Variants in KIAA1217 observed in about 807,000 individuals in gnomAD.
KIAA1217 encodes the protein sickle tail protein homolog.
A neutral mutation model predicts 163.9 loss-of-function variants in KIAA1217; 88 were observed. That is an observed-to-expected ratio of 0.54 (90% CI 0.45 to 0.64). The LOEUF is 0.64. Ranked by LOEUF, KIAA1217 falls within the 30% of genes least tolerant of loss-of-function variation. The pLI, the probability that KIAA1217 is intolerant of heterozygous loss-of-function variation, is 0.00. For missense variants in KIAA1217, 2,372 were observed against 2,475.0 expected (o/e 0.96, Z 0.88); for synonymous variants, 903 against 923.1 (o/e 0.98, Z 0.39).
At chr10:23,996,158 C>G (rs192191823) in intron 1 of KIAA1217, among the ~76,000 whole-genome samples, 2 of 152,290 alleles carry the variant, frequency 1.3e-5, no homozygotes, top group Admixed American at 6.5e-5. Context: ...CTAGAAGCAC[C>G]AAGATCATTA....
chr10:23,925,320 G>A (rs909575959), intron 1 of KIAA1217, among the ~76,000 whole-genome samples: 2 of 152,148 alleles, frequency 1.3e-5, no homozygotes, highest in Non-Finnish European at 2.9e-5. Flanking sequence ...CTAAGCCAGT[G>A]CCAGGCCCTG....
At chr10:24,529,683 G>A (rs1592696266) in intron 14 of KIAA1217, among the ~76,000 whole-genome samples, 1 of 152,070 alleles carries the variant, frequency 6.6e-6, no homozygotes, top group South Asian at 2.1e-4. Context: ...CCACCATCCA[G>A]CTGTGTCAGG....
At chr10:24,392,300 T>G (rs2055092221) in intron 3 of KIAA1217, among the ~76,000 whole-genome samples, 1 of 152,260 alleles carries the variant, frequency 6.6e-6, no homozygotes, top group Non-Finnish European at 1.5e-5. Context: ...TTAATGTTTT[T>G]GACATCTGAT....
chr10:23,727,204 G>A (rs1379009504), intron 1 of KIAA1217, among the ~76,000 whole-genome samples: 1 of 151,718 alleles, frequency 6.6e-6, no homozygotes, highest in African/African-American at 2.4e-5. Flanking sequence ...TGTTAGTCAG[G>A]AAGGTCTCGA....
chr10:24,305,616 C>T (rs977377440), intron 2 of KIAA1217, among the ~76,000 whole-genome samples: 5 of 152,234 alleles, frequency 3.3e-5, no homozygotes, highest in South Asian at 2.1e-4. Flanking sequence ...TCAGCTTGAG[C>T]GGTTAGAAGC....
chr10:24,491,797 C>A (rs1321093311), intron 6 of KIAA1217, among the ~76,000 whole-genome samples: 1 of 152,118 alleles, frequency 6.6e-6, no homozygotes, highest in Non-Finnish European at 1.5e-5. Flanking sequence ...CTATTTCTTG[C>A]ATTTCTTAAT....
chr10:23,819,176 A>G (rs760907391), intron 1 of KIAA1217, among the ~76,000 whole-genome samples: 2 of 152,202 alleles, frequency 1.3e-5, no homozygotes, highest in Non-Finnish European at 2.9e-5. Flanking sequence ...TCTTGGGAGC[A>G]GAATCTCTAT....
chr10:24,105,259 C>T (rs922891310), intron 2 of KIAA1217, among the ~76,000 whole-genome samples: 11 of 152,040 alleles, frequency 7.2e-5, no homozygotes, highest in African/African-American at 2.4e-4. Context: ...TCAGGGAACA[C>T]CTGAATAGCA....
intron 2 of KIAA1217, among the ~76,000 whole-genome samples, chr10:24,334,441 AAGGAAGG>A (rs1564490066): frequency 4.3e-5 from 2 of 46,812 alleles, no homozygotes; most frequent in Admixed American, 3.3e-4. Context: ...GGAAGGATGG[AAGGAAGG>A]AAGGAAGGAA....
intron 1 of KIAA1217, among the ~76,000 whole-genome samples, chr10:23,941,937 C>T (rs1843786886): frequency 6.6e-6 from 1 of 152,008 alleles, no homozygotes; most frequent in South Asian, 2.1e-4. Context: ...AAGGAGAAAA[C>T]AATCTTCCAC....
chr10:24,453,419 A>G (rs1213303191), intron 5 of KIAA1217, among the ~76,000 whole-genome samples: 14 of 152,344 alleles, frequency 9.2e-5, no homozygotes, highest in Non-Finnish European at 4.4e-5. Context: ...GATTAATTGG[A>G]AATGCATGAG....
chr10:23,743,970 A>G (rs554251757), intron 1 of KIAA1217, among the ~76,000 whole-genome samples: 47 of 152,308 alleles, frequency 3.1e-4, no homozygotes, highest in African/African-American at 1.1e-3. Context: ...GGATCAGGAA[A>G]GACTTCAGAA....
intron 1 of KIAA1217, among the ~76,000 whole-genome samples, chr10:23,809,899 A>G (rs1233230264): frequency 1.3e-5 from 2 of 152,038 alleles, no homozygotes; most frequent in Non-Finnish European, 2.9e-5. Flanking sequence ...ACAGTGGTGC[A>G]AAAGCAATAA....
chr10:24,200,589 A>G (rs2067210450), intron 2 of KIAA1217, among the ~76,000 whole-genome samples: 1 of 152,162 alleles, frequency 6.6e-6, no homozygotes, highest in Admixed American at 6.5e-5. Flanking sequence ...CAGTTTCAGC[A>G]CCAGGCCACA....
chr10:24,469,405 G>A (rs913272405), intron 5 of KIAA1217, among the ~76,000 whole-genome samples: 2 of 151,716 alleles, frequency 1.3e-5, no homozygotes, highest in African/African-American at 2.4e-5. Flanking sequence ...GATTATAGGC[G>A]TGAACCACTG....
At chr10:24,165,748 T>C (rs1402311646) in intron 2 of KIAA1217, among the ~76,000 whole-genome samples, 1 of 152,170 alleles carries the variant, frequency 6.6e-6, no homozygotes, top group Admixed American at 6.5e-5. Context: ...TTGAAGGCCA[T>C]AACTGGAAAA....
At chr10:24,304,205 CTTTTT>C (rs35675149) in intron 2 of KIAA1217, among the ~76,000 whole-genome samples, 2 of 125,522 alleles carry the variant, frequency 1.6e-5, no homozygotes, top group Non-Finnish European at 1.7e-5. Flanking sequence ...ATTAGGTTAC[CTTTTT>C]TTTTTTTTTT....
chr10:24,237,866 T>C (rs1038857932), intron 2 of KIAA1217, among the ~76,000 whole-genome samples: 1 of 152,206 alleles, frequency 6.6e-6, no homozygotes, highest in African/African-American at 2.4e-5. Context: ...TAGTTCTTGG[T>C]TGCCTTCAAA....
intron 2 of KIAA1217, among the ~76,000 whole-genome samples, chr10:24,273,940 T>C (rs1455506157): frequency 6.6e-6 from 1 of 151,778 alleles, no homozygotes; most frequent in East Asian, 1.9e-4. Context: ...AATATAAAAA[T>C]GTAGGATCTT....
Sources: allele counts gnomAD v4.1 joint callset (sites outside exome capture counted in the v4.1 genomes callset), GRCh38; gene constraint gnomAD v4.1.1; transcripts MANE v1.5; gene names NCBI Gene and HGNC (gene_info 2026-07-23, HGNC 2026-07-21).